The following KCTD1 variants were observed in gnomAD, a reference collection of about 807,000 sequenced individuals.
KCTD1 encodes BTB/POZ domain-containing protein KCTD1.
A neutral mutation model predicts 66.0 loss-of-function variants in KCTD1; 24 were observed. That is an observed-to-expected ratio of 0.36 (90% CI 0.26 to 0.51). KCTD1 has a LOEUF of 0.51. Among genes scored for constraint, KCTD1 ranks in the 20% least tolerant of loss-of-function variants. The pLI is 0.95. For missense variants in KCTD1, 943 were observed against 1,205.2 expected, an observed-to-expected ratio of 0.78 and a Z score of 3.22; for synonymous variants, 511 against 517.2, an observed-to-expected ratio of 0.99 and a Z score of 0.16.
intron 1 of KCTD1, among the ~76,000 whole-genome samples, chr18:26,656,580 G>A (rs1598988148): frequency 6.6e-6 from 1 of 151,912 alleles, no homozygotes; most frequent in South Asian, 2.1e-4. Context: ...GGCCCACAAA[G>A]GGGAGCGGCG....
rs1484740322 is a variant in KCTD1 at position 26,548,047 on chromosome 18, C to T, written c.490G>A (p.Glu164Lys). Residue 164 changes from glutamate to lysine, a missense_variant, in exon 1 of 5, where the codon GAG becomes AAG. By Grantham distance (56) the Glu-to-Lys change is moderately conservative (BLOSUM62 1). Coordinates refer to ENST00000580059, the MANE Select transcript of KCTD1 (RefSeq NM_001142730.3). ...ELDPDVLQRP[E>K]RARLSENTRL... ...GTGTTCTCGCTCAGCCGGGCCCGCTCGGGGCGCTGCAGCACGTCGGGGTCC... is the reference window on the plus strand; with the variant it reads ...GTGTTCTCGCTCAGCCGGGCCCGCTTGGGGCGCTGCAGCACGTCGGGGTCC... 9.3e-6 allele frequency: 14 copies of T among 1,506,070 alleles called. No individual in the cohort carries two copies. The highest frequency in any genetic ancestry group is 6.1e-5 in the Admixed American group (3 of 49,500). The allele number at this position is 1,506,070 out of a possible 1,614,324, so 93.3% of individuals were successfully genotyped here.
intron 1 of KCTD1, among the ~76,000 whole-genome samples, chr18:26,530,444 G>A (rs192555176): frequency 3.8e-4 from 58 of 152,254 alleles, no homozygotes; most frequent in Admixed American, 8.5e-4. Context: ...CCCGAAACAC[G>A]GAAGAGGCTG....
At chr18:26,457,520 A>T (rs763739643) in intron 4 of KCTD1, 6 of 152,134 alleles carry the variant, frequency 3.9e-5, no homozygotes, top group Admixed American at 6.5e-5. Flanking sequence ...TTTTTCTTTG[A>T]GTCTTAAGGT....
intron 1 of KCTD1, among the ~76,000 whole-genome samples, chr18:26,557,440 A>G (rs1277900797): frequency 6.6e-6 from 1 of 152,112 alleles, no homozygotes; most frequent in Non-Finnish European, 1.5e-5. Flanking sequence ...GCTTTCCTAG[A>G]ATTGTTAGTT....
upstream of KCTD1, among the ~76,000 whole-genome samples, chr18:26,641,639 C>T (rs994506730): frequency 6.6e-6 from 1 of 152,078 alleles, no homozygotes; most frequent in Non-Finnish European, 1.5e-5. Flanking sequence ...GTCCGTCTGG[C>T]ATGCCATATT....
rs117236236 is a variant in KCTD1 at position 26,472,617 on chromosome 18, C to T, written c.2133+3898G>A. Among the ~76,000 whole-genome samples the T allele has an allele frequency of 1.6e-4, 25 of 152,218 alleles. 1 individual carries two copies. In the East Asian group the frequency reaches 4.6e-3, roughly 28 times the overall value. On this transcript the variant is annotated intron_variant, in intron 3 of 4. Transcript: ENST00000580059. ...CCACCTCTCCACATCATGCTTTGGC[C>T]CTTCTCTCTACATGAGCTTACTTAC...
Position 26,459,831 on chromosome 18 carries a change from C to T in KCTD1, c.2228G>A (p.Arg743Gln), listed in dbSNP as rs148997889. Reference protein sequence around the residue: ...ERWKQDRETGRFSRPCECLVV... With the variant: ...ERWKQDRETGQFSRPCECLVV... ...GAGGCACTCACAGGGCCTTGAAAAT[C>T]GACCAGTTTCTCTGTCCTGCTTCCA... Residue 743 changes from arginine (R) to glutamine (Q), a missense_variant, in exon 4 of 5, where the codon CGA (arginine) becomes CAA (glutamine). Physicochemically the swap from Arg to Gln is conservative, Grantham distance 43. This residue lies in a region of KCTD1 where 162 missense variants were observed against 232.4 expected (regional missense o/e 0.70). Coordinates refer to ENST00000580059, the MANE Select transcript of KCTD1 (RefSeq NM_001142730.3). The T allele has an allele frequency of 1.6e-5, 26 of 1,614,016 alleles. No homozygotes were observed. The highest frequency in any genetic ancestry group is 6.7e-5 in the East Asian group (3 of 44,884).
At chr18:26,575,261 T>C (rs1986197601) in intron 1 of KCTD1, 1 of 152,144 alleles carries the variant, frequency 6.6e-6, no homozygotes, top group Non-Finnish European at 1.5e-5. Flanking sequence ...CTGCAGGGCA[T>C]AAACTAACCC....
intron 4 of KCTD1, chr18:26,457,652 A>G (rs1234033923): frequency 6.6e-6 from 1 of 152,196 alleles, no homozygotes; most frequent in East Asian, 1.9e-4. Context: ...ATTTCAATGT[A>G]ATGCAAACAG....
At chr18:26,546,048 A>G (rs1014613223) in intron 1 of KCTD1, among the ~76,000 whole-genome samples, 2 of 152,136 alleles carry the variant, frequency 1.3e-5, no homozygotes, top group African/African-American at 4.8e-5. Context: ...CAGTGCCCAC[A>G]GTGCTGGGCA....
chr18:26,621,629 G>A (rs561585088), intron 1 of KCTD1, among the ~76,000 whole-genome samples: 3 of 152,290 alleles, frequency 2.0e-5, no homozygotes, highest in South Asian at 2.1e-4. Context: ...GCACAAGGGG[G>A]CAGGGCAGAG....
At chr18:26,497,830 C>G (rs1982557133) in intron 2 of KCTD1, among the ~76,000 whole-genome samples, 1 of 152,176 alleles carries the variant, frequency 6.6e-6, no homozygotes, top group Non-Finnish European at 1.5e-5. Context: ...TGTCTCGGAA[C>G]TTGTGACCGG....
At position 26,459,767 on chromosome 18, in the gene KCTD1, C is replaced by T. The variant is rs776957470; in HGVS notation, c.2292G>A (p.Thr764=). The change falls in exon 4 of 5, where the codon ACG becomes ACA. Residue 764 remains threonine, a synonymous_variant. Transcript: ENST00000580059. ...CTATCAAGGATTTGTCACCGCTTAG[C>T]GTGATCCTTTCTCCGAGGTCTGGGG... The part of the protein sequence containing the change: ...RVAPDLGERI[T]LSGDKSLIEE... 9.3e-6 allele frequency: 15 copies of T among 1,614,062 alleles called. No homozygotes were observed. Among genetic ancestry groups the T allele is most frequent in the South Asian group, 2.2e-5 (2 of 91,080 alleles).
At chr18:26,570,786 T>C (rs753769410) in intron 1 of KCTD1, among the ~76,000 whole-genome samples, 15 of 152,192 alleles carry the variant, frequency 9.9e-5, no homozygotes, top group Non-Finnish European at 1.0e-4. Flanking sequence ...GATAAACCCA[T>C]TGTAAGTTGA....
At chr18:26,548,731 AGG>A, upstream of KCTD1, 1 of 426,394 alleles carries the variant, frequency 2.3e-6, no homozygotes, top group East Asian at 1.7e-4. Context: ...GGGAGGGGGG[AGG>A]GGGGGACAAG....
chr18:26,581,986 G>A (rs374221246), intron 1 of KCTD1, among the ~76,000 whole-genome samples: 2 of 151,952 alleles, frequency 1.3e-5, no homozygotes, highest in South Asian at 2.1e-4. Flanking sequence ...ATGCAAATAG[G>A]GCTGGGCATG....
At chr18:26,599,343 G>T in intron 1 of KCTD1, 1 of 1,482,700 alleles carries the variant, frequency 6.7e-7, no homozygotes, top group Admixed American at 2.0e-5. Context: ...AGCGAGCCCA[G>T]GTGGCAGTCT....
At chr18:26,512,503 T>C (rs900940295) in intron 1 of KCTD1, among the ~76,000 whole-genome samples, 1 of 152,152 alleles carries the variant, frequency 6.6e-6, no homozygotes, top group Non-Finnish European at 1.5e-5. Flanking sequence ...CTCTATATAA[T>C]AAATGTGTTC....
chr18:26,631,573 G>A (rs1003484288), upstream of KCTD1, among the ~76,000 whole-genome samples: 2 of 152,128 alleles, frequency 1.3e-5, no homozygotes, highest in African/African-American at 4.8e-5. Context: ...ATGACTGACG[G>A]TACTTCAACA....
Sources: gnomAD v4.1 joint callset for allele counts (sites outside exome capture counted in the v4.1 genomes callset) on GRCh38, gnomAD v4.1.1 for gene constraint, gnomAD v4.1.1 regional missense constraint, MANE v1.5 for transcripts, NCBI Gene and HGNC (gene_info 2026-07-23, HGNC 2026-07-21) for gene names.